OTOA: variants seen among roughly 807,000 people sequenced by gnomAD.
The protein encoded by OTOA is cancer/testis antigen 108.
In OTOA, 70 loss-of-function variants were observed where a neutral mutation model predicts 110.8. The observed-to-expected ratio is 0.63, with a 90% CI of 0.52 to 0.77. The LOEUF (loss-of-function observed/expected upper bound fraction) is 0.77. OTOA is among the 30% of genes least tolerant of loss of function. The pLI, the probability that OTOA is intolerant of heterozygous loss-of-function variation, is 0.00. For synonymous variants in OTOA, 373 were observed against 431.5 expected, an observed-to-expected ratio of 0.86 and a Z score of 1.68; for missense variants, 917 against 1,075.8, an observed-to-expected ratio of 0.85 and a Z score of 2.06.
At chr16:21,716,303 G>A (rs1440055070) in intron 14 of OTOA, among the ~76,000 whole-genome samples, 5 of 151,864 alleles carry the variant, frequency 3.3e-5, no homozygotes, top group Non-Finnish European at 7.4e-5. Flanking sequence ...CAGGTGAGGT[G>A]GCTCACGCCT....
At chr16:21,671,586 C>CAA (rs369010025) in intron 1 of OTOA, among the ~76,000 whole-genome samples, 56 of 78,456 alleles carry the variant, frequency 7.1e-4, no homozygotes, top group East Asian at 1.9e-3. Context: ...GACTCCATAT[C>CAA]AAAAAAAAAA....
chr16:21,670,568 T>C (rs1253433097), intron 1 of OTOA, among the ~76,000 whole-genome samples: 16 of 152,174 alleles, frequency 1.1e-4, no homozygotes. Context: ...AATATAGTTA[T>C]TTGATTATCT....
chr16:21,731,227 C>G (rs1184729215), intron 21 of OTOA, among the ~76,000 whole-genome samples: 2 of 152,238 alleles, frequency 1.3e-5, no homozygotes, highest in Non-Finnish European at 2.9e-5. Flanking sequence ...CACGTCTGTT[C>G]TGGCTCTCAC....
intron 7 of OTOA, among the ~76,000 whole-genome samples, chr16:21,686,903 T>C (rs1463498321): frequency 2.6e-5 from 4 of 151,932 alleles, no homozygotes; most frequent in Non-Finnish European, 5.9e-5. Flanking sequence ...AAAAATAAAA[T>C]AAAACTTTAA....
chr16:21,679,589 GA>G (rs1414231825), intron 5 of OTOA, among the ~76,000 whole-genome samples: 2 of 152,100 alleles, frequency 1.3e-5, no homozygotes, highest in Admixed American at 6.6e-5. Context: ...ATTTTTAGTA[GA>G]GATGGGTTTT....
intron 23 of OTOA, among the ~76,000 whole-genome samples, chr16:21,743,367 T>C (rs1899546439): frequency 6.6e-6 from 1 of 152,312 alleles, no homozygotes; most frequent in Non-Finnish European, 1.5e-5. Context: ...TTCATTTTAT[T>C]TATGGTTAGT....
intron 1 of OTOA, among the ~76,000 whole-genome samples, chr16:21,671,788 G>A (rs1027516493): frequency 8.6e-5 from 13 of 151,980 alleles, no homozygotes; most frequent in African/African-American, 3.1e-4. Flanking sequence ...GTACAGTTCA[G>A]TGAGATCTGA....
In OTOA at chr16:21,719,223, A is replaced by G. The variant is rs758742066; in HGVS notation, c.1688+32A>G. On this transcript the variant is annotated intron_variant, in intron 16 of 28. Transcript: ENST00000646100. ...AAATGTAACTCGGCCTGGGTGCTGA[A>G]CAGGCCTTTCAGAGCCTTCTGCCAG... The G allele has an allele frequency of 7.4e-6, 12 of 1,612,424 alleles. No individual in the cohort carries two copies. The South Asian group carries it at 1.2e-4, about 16-fold the overall frequency.
chr16:21,691,531 A>G, intron 8 of OTOA, 53 bp from the exon 9 acceptor site: 1 of 1,480,642 alleles, frequency 6.8e-7, no homozygotes, highest in Admixed American at 1.7e-5. Flanking sequence ...TCCCTTTTTA[A>G]TGCAGCCCCC....
In OTOA at chr16:21,722,892, C is replaced by G. The variant is rs370665205; in HGVS notation, c.1807-13C>G. ...TTACTGCATTAAATCCCCAGAACTG[C>G]TTAATCTTTCAGGTTAATTGTTTGG... is the stretch of plus-strand genomic sequence containing the variant. On this transcript the variant is annotated splice_polypyrimidine_tract_variant and intron_variant, in intron 17 of 28. Transcript: ENST00000646100. The G allele has an allele frequency of 5.6e-6, 9 of 1,612,538 alleles. No individual in the cohort carries two copies. Among genetic ancestry groups the G allele is most frequent in the African/African-American group, 1.3e-5 (1 of 74,876 alleles).
intron 6 of OTOA, among the ~76,000 whole-genome samples, chr16:21,684,821 G>A (rs1046843867): frequency 6.6e-6 from 1 of 150,476 alleles, no homozygotes; most frequent in Non-Finnish European, 1.5e-5. Context: ...GCGTGATCTC[G>A]GCTCACTGCA....
chr16:21,712,278 C>T (rs1399383684), intron 13 of OTOA, among the ~76,000 whole-genome samples: 2 of 151,532 alleles, frequency 1.3e-5, no homozygotes, highest in Admixed American at 6.6e-5. Context: ...TGCAGTGAGC[C>T]GAGATCATGC....
At chr16:21,666,353 TC>T (rs940844232) in intron 1 of OTOA, among the ~76,000 whole-genome samples, 5 of 150,338 alleles carry the variant, frequency 3.3e-5, no homozygotes, top group Admixed American at 2.0e-4. Context: ...ACAGTGAAAC[TC>T]CATGTAATTG....
intron 9 of OTOA, among the ~76,000 whole-genome samples, chr16:21,696,081 G>A (rs985963786): frequency 4.6e-5 from 7 of 151,330 alleles, no homozygotes; most frequent in African/African-American, 1.7e-4. Flanking sequence ...TTTTATTAGA[G>A]ATGGGGTTTC....
chr16:21,674,418 C>G (rs1966853362), intron 1 of OTOA, among the ~76,000 whole-genome samples: 1 of 152,000 alleles, frequency 6.6e-6, no homozygotes, highest in South Asian at 2.1e-4. Flanking sequence ...ACTGCAACCT[C>G]CGCCTCCTCG....
At position 21,728,290 on chromosome 16, in the gene OTOA, T is replaced by G. The variant is rs778892020; in HGVS notation, c.2066T>G (p.Leu689Arg). The G allele has an allele frequency of 3.7e-6, 6 of 1,614,062 alleles. No homozygotes were observed. The Admixed American group carries it at 5.0e-5, about 13-fold the overall frequency. ...ACTGTGGACATCATGGGGAACCTGC[T>G]GTGTCACTTGCCGGCAGCCATCATC... ...EYTVDIMGNL[L>R]CHLPAAIIDR... is the part of the protein sequence containing the mutation. Residue 689 changes from leucine (L) to arginine (R), a missense_variant, in exon 20 of 29, where the codon CTG (leucine) becomes CGG (arginine). Leu to Arg is a moderately radical substitution (Grantham distance 102). This residue lies in a region of OTOA where 840 missense variants were observed against 910.2 expected (regional missense o/e 0.92). Coordinates refer to ENST00000646100, the MANE Select transcript of OTOA (RefSeq NM_144672.4).
At chr16:21,718,470 C>G (rs1898624858) in intron 15 of OTOA, among the ~76,000 whole-genome samples, 1 of 152,162 alleles carries the variant, frequency 6.6e-6, no homozygotes, top group South Asian at 2.1e-4. Context: ...GGCTTTTGTG[C>G]TGCTTTTTGG....
intron 6 of OTOA, chr16:21,684,283 A>G: frequency 2.4e-6 from 3 of 1,236,256 alleles, no homozygotes; most frequent in South Asian, 2.9e-5. Flanking sequence ...TCTAGAGTTC[A>G]CCTTTTGCCC....
intron 5 of OTOA, among the ~76,000 whole-genome samples, chr16:21,681,340 C>T (rs1966888754): frequency 1.3e-5 from 2 of 152,052 alleles, no homozygotes; most frequent in Admixed American, 1.3e-4. Flanking sequence ...CCTGTAATCC[C>T]AGTACTTTGG....
Sources: allele counts gnomAD v4.1 joint callset (sites outside exome capture counted in the v4.1 genomes callset), GRCh38; gene constraint gnomAD v4.1.1; regional missense constraint gnomAD v4.1.1; transcripts MANE v1.5; gene names NCBI Gene and HGNC (gene_info 2026-07-23, HGNC 2026-07-21).